Variants in SH3TC1 observed in about 807,000 individuals in gnomAD.
SH3TC1 encodes SH3 domain and tetratricopeptide repeat-containing protein 1.
SH3TC1 carries 135 observed loss-of-function variants against 117.3 expected under a neutral mutation model. The ratio of observed to expected loss-of-function variants is 1.15; its 90% confidence interval spans 1.00 to 1.33. SH3TC1 has a LOEUF of 1.33. Ranked by LOEUF, SH3TC1 falls within the 40% of genes most tolerant of loss-of-function variation. The pLI, the probability that SH3TC1 is intolerant of heterozygous loss-of-function variation, is 0.00. For synonymous variants in SH3TC1, 898 were observed against 816.9 expected (o/e 1.10, Z -1.69); for missense variants, 2,092 against 1,794.3 (o/e 1.17, Z -3.00).
chr4:8,230,361 G>T (rs1391681092), intron 12 of SH3TC1, among the ~76,000 whole-genome samples: 3 of 152,114 alleles, frequency 2.0e-5, no homozygotes, highest in Non-Finnish European at 4.4e-5. Context: ...GGTCTTGAAT[G>T]CTGGCCTCAA....
At chr4:8,218,830 G>A (rs900843407) in intron 8 of SH3TC1, among the ~76,000 whole-genome samples, 36 of 152,390 alleles carry the variant, frequency 2.4e-4, no homozygotes, top group African/African-American at 7.9e-4. Flanking sequence ...ACTGCCAGCA[G>A]CCCTTCTCCT....
At chr4:8,230,663 G>A (rs956998811) in intron 12 of SH3TC1, among the ~76,000 whole-genome samples, 16 of 151,962 alleles carry the variant, frequency 1.1e-4, no homozygotes, top group African/African-American at 3.6e-4. Context: ...GTTTCTTAAG[G>A]TGGAAGGTTG....
intron 7 of SH3TC1, among the ~76,000 whole-genome samples, chr4:8,217,454 C>G (rs758570687): frequency 6.6e-6 from 1 of 152,194 alleles, no homozygotes; most frequent in Non-Finnish European, 1.5e-5. Context: ...CAGGCTCATC[C>G]GAAAAGCTTT....
upstream of SH3TC1, among the ~76,000 whole-genome samples, chr4:8,195,831 C>T (rs1472445922): frequency 3.9e-5 from 6 of 152,198 alleles, no homozygotes; most frequent in African/African-American, 1.4e-4. Flanking sequence ...AACTGAGGCC[C>T]AGAGAAGGAG....
At chr4:8,233,084 C>T (rs1247281975) in intron 13 of SH3TC1, 1 of 1,284,168 alleles carries the variant, frequency 7.8e-7, no homozygotes, top group Non-Finnish European at 9.9e-7. Flanking sequence ...AGAGAAGACA[C>T]AGGCCATGTC....
intron 14 of SH3TC1, among the ~76,000 whole-genome samples, chr4:8,234,200 A>G (rs1045829380): frequency 1.7e-5 from 2 of 118,490 alleles, no homozygotes; most frequent in African/African-American, 5.7e-5. Flanking sequence ...CCATTCATCC[A>G]TCCACCATCC....
rs756879467 is a variant in SH3TC1, at chr4:8,235,432, G to A, written c.3283-1G>A. 3 of 1,505,284 alleles carry A rather than the reference G, an allele frequency of 2.0e-6. No individual in the cohort carries two copies. The African/African-American group carries it at 4.2e-5, about 21-fold the overall frequency. 93.2% of individuals were successfully genotyped at this position (1,505,284 alleles called of 1,614,324 possible). A position where few individuals can be genotyped will look rare whatever the true frequency, so the allele number is the denominator to read the frequency against. Reference sequence around the variant, plus strand: ...TTGAGGGAACTTCTGCCTCCTTTCAGGTGGCACAGAACGTGGCCCTGTACA... The same window carrying A: ...TTGAGGGAACTTCTGCCTCCTTTCAAGTGGCACAGAACGTGGCCCTGTACA... On this transcript the variant is annotated splice_acceptor_variant, in intron 14 of 17. Transcript: ENST00000245105. LOFTEE classifies it high-confidence loss of function.
intron 3 of SH3TC1, among the ~76,000 whole-genome samples, 158 bp from the exon 4 acceptor site, chr4:8,212,543 G>T (rs572278110): frequency 1.1e-4 from 16 of 152,328 alleles, no homozygotes; most frequent in African/African-American, 3.8e-4. Flanking sequence ...GTGGGGCAAG[G>T]TTGAGATCTA....
Position 8,209,739 on chromosome 4 carries a change from G to C in SH3TC1, c.173-9G>C, listed in dbSNP as rs894499853. 1 of 1,613,798 alleles carries C rather than the reference G, an allele frequency of 6.2e-7. No homozygotes were observed. Among genetic ancestry groups the C allele is most frequent in the African/African-American group, 1.3e-5 (1 of 75,046 alleles). ...TCTCCCCTAATCCTGGGAACCTGCT[G>C]TGTTGCAGACGAGGCTCCTCCTGCC... is the stretch of plus-strand genomic sequence containing the variant. On this transcript the variant is annotated splice_polypyrimidine_tract_variant and intron_variant, in intron 2 of 17. Coordinates refer to ENST00000245105, the MANE Select transcript of SH3TC1 (RefSeq NM_018986.5). The surrounding 1 kb of genome is among the most constrained non-coding windows in gnomAD (Gnocchi z 5.9).
chr4:8,232,304 G>A (rs1721308708), intron 13 of SH3TC1, 148 bp downstream of exon 13: 1 of 1,471,238 alleles, frequency 6.8e-7, no homozygotes, highest in Non-Finnish European at 9.2e-7. Context: ...TGAGCTGGGG[G>A]GCCTGGGGTT....
Position 8,188,281 on chromosome 4 carries a change from G to A in SH3TC1, c.-57+6071G>A, listed in dbSNP as rs533471034. The stretch of plus-strand genomic sequence containing the variant: ...CTGTCTCCACCATGAGGCCGAGTCT[G>A]GGCTCTCTAGAGGGCAGTAGGCATC... On this transcript the variant is annotated intron_variant, in intron 1 of 16. Coordinates refer to the SH3TC1 transcript ENST00000508641. Among the ~76,000 whole-genome samples the A allele has an allele frequency of 2.6e-5, 4 of 152,294 alleles. No individual in the cohort carries two copies. The East Asian group carries it at 7.7e-4, about 29-fold the overall frequency.
chr4:8,206,773 G>C lies in SH3TC1; in HGVS notation c.172+1407G>C, dbSNP rs1050339199. Among the ~76,000 whole-genome samples the C allele has an allele frequency of 6.6e-6, 1 of 152,000 alleles. No individual in the cohort carries two copies. The highest frequency in any genetic ancestry group is 1.5e-5 in the Non-Finnish European group (1 of 68,010). On this transcript the variant is annotated intron_variant, in intron 2 of 17. Coordinates refer to ENST00000245105, the MANE Select transcript of SH3TC1 (RefSeq NM_018986.5). This position sits in a 1 kb window ranked among gnomAD's most constrained non-coding sequence, Gnocchi z 5.5. ...AGAAATAGTACAGATAATTCCATTT[G>C]CCCATACCCAGGTTCCCTGAATGTT...
At chr4:8,237,797 G>A (rs896758170) in intron 17 of SH3TC1, 127 bp downstream of exon 17, 27 of 1,073,852 alleles carry the variant, frequency 2.5e-5, no homozygotes, top group South Asian at 5.7e-5. Flanking sequence ...GGAGCGCTGC[G>A]CCCGGCTGGA....
intron 1 of SH3TC1, among the ~76,000 whole-genome samples, chr4:8,184,421 C>T (rs1285308140): frequency 6.6e-6 from 1 of 151,918 alleles, no homozygotes; most frequent in Non-Finnish European, 1.5e-5. Context: ...TGCTCTGTGC[C>T]CCGGCTGGAG....
In SH3TC1 at chr4:8,227,386, C is replaced by A. The variant is rs754769914; in HGVS notation, c.1692C>A (p.Phe564Leu). The change falls in exon 12 of 18, where the codon TTC becomes TTA. Residue 564 changes from phenylalanine to leucine, a missense_variant. By Grantham distance (22) the Phe-to-Leu change is conservative. Transcript: ENST00000245105. Reference sequence around the variant, plus strand: ...TCATGGCCCTGGCCAGGCTCTGCTTCCTCCTGGGGCGGCTGTGCAGCAGGA... The same window carrying A: ...TCATGGCCCTGGCCAGGCTCTGCTTACTCCTGGGGCGGCTGTGCAGCAGGA... ...GLLMALARLC[F>L]LLGRLCSRRL... 2.6e-6 allele frequency: 4 copies of A among 1,552,762 alleles called. No homozygotes were observed. The African/African-American group carries it at 5.5e-5, about 21-fold the overall frequency.
At chr4:8,188,461 C>A (rs976394323) in intron 1 of SH3TC1, among the ~76,000 whole-genome samples, 2 of 152,226 alleles carry the variant, frequency 1.3e-5, no homozygotes, top group Non-Finnish European at 2.9e-5. Flanking sequence ...GGTGTTGGGC[C>A]TGGGCAGGGC....
intron 13 of SH3TC1, 170 bp from the exon 14 acceptor site, chr4:8,233,193 G>T (rs529197442): frequency 2.1e-6 from 3 of 1,403,066 alleles, no homozygotes; most frequent in African/African-American, 2.9e-5. Context: ...TCCTTGCCGT[G>T]TGTGTTCAAC....
In SH3TC1 at chr4:8,212,793, G is replaced by A. The variant is rs995340450; in HGVS notation, c.340G>A (p.Glu114Lys). 3.1e-6 allele frequency: 5 copies of A among 1,605,924 alleles called. No homozygotes were observed. In the African/African-American group the frequency reaches 5.3e-5, roughly 17 times the overall value. Residue 114 changes from glutamate (E) to lysine (K), a missense_variant, in exon 4 of 18, where the codon GAG becomes AAG. Transcript: ENST00000245105. ...QTLRGQLRLLENDSREMARVL... is the reference protein window; with the variant it reads ...QTLRGQLRLLKNDSREMARVL... ...CCTCCGGGGCCAGCTCCGCCTGCTG[G>A]AGAATGATAGCCGGGAGATGGCCCG...
chr4:8,239,097 T>C lies in SH3TC1; in HGVS notation c.3753+1427T>C, dbSNP rs145853706. Among the ~76,000 whole-genome samples the C allele has an allele frequency of 4.1e-3, 631 of 152,308 alleles. 3 individuals are homozygous for C. Among genetic ancestry groups the C allele is most frequent in the African/African-American group, 0.014 (586 of 41,552 alleles). ...AGGGGTAAATGGGCATCTTTGCCGA[T>C]TGCCTCTAAAATGGGGTCCCCTTTA... On this transcript the variant is annotated intron_variant, in intron 17 of 17. Transcript: ENST00000245105.
Sources: allele counts gnomAD v4.1 joint callset (sites outside exome capture counted in the v4.1 genomes callset), GRCh38; gene constraint gnomAD v4.1.1; non-coding constraint Gnocchi (gnomAD v3.1); transcripts MANE v1.5; gene names NCBI Gene and HGNC (gene_info 2026-07-23, HGNC 2026-07-21).